Variants in FECH observed in about 807,000 individuals in gnomAD.
FECH encodes the protein ferrochelatase, also known as ferrochelatase, mitochondrial.
Under a neutral mutation model 56.9 loss-of-function variants are expected in FECH, and 40 were observed. That is an observed-to-expected ratio of 0.70 (90% confidence interval 0.55 to 0.92). The LOEUF (loss-of-function observed/expected upper bound fraction) is 0.92. Among genes scored for constraint, FECH ranks in the 40% least tolerant of loss-of-function variants. The pLI is 0.00. For missense variants in FECH, 431 were observed against 529.1 expected, an observed-to-expected ratio of 0.81 and a Z score of 1.82; for synonymous variants, 175 against 198.6, an observed-to-expected ratio of 0.88 and a Z score of 1.00.
intron 4 of FECH, among the ~76,000 whole-genome samples, chr18:57,569,142 C>T (rs2051059491): frequency 6.6e-6 from 1 of 152,244 alleles, no homozygotes; most frequent in Non-Finnish European, 1.5e-5. Flanking sequence ...AAAGCAGTTA[C>T]AAGCTAAACA....
chr18:57,553,571 G>A (rs1386436218), intron 9 of FECH, among the ~76,000 whole-genome samples: 1 of 152,176 alleles, frequency 6.6e-6, no homozygotes, highest in Non-Finnish European at 1.5e-5. Context: ...TATTGGAATA[G>A]GTTTTAGGCT....
Position 57,564,834 on chromosome 18 carries a change from A to G in FECH, c.598+1613T>C, listed in dbSNP as rs369119564. On this transcript the variant is annotated intron_variant, in intron 5 of 10. Transcript: ENST00000262093. ...TAGCTCTTTCAGGTTGTGTGGAAACATTCAACAAACAACCCAAAGAAGTCA... is the reference window on the plus strand; with the variant it reads ...TAGCTCTTTCAGGTTGTGTGGAAACGTTCAACAAACAACCCAAAGAAGTCA... Among the ~76,000 whole-genome samples, 48 of 152,388 alleles carry G rather than the reference A, an allele frequency of 3.1e-4. No individual in the cohort carries two copies. In the East Asian group the frequency reaches 8.1e-3, roughly 26 times the overall value.
chr18:57,562,910 A>T lies in FECH; in HGVS notation c.669T>A (p.Thr223=), dbSNP rs766209097. Residue 223 remains threonine, a synonymous_variant, in exon 6 of 11, where the codon ACT becomes ACA. Coordinates refer to ENST00000262093, the MANE Select transcript of FECH (RefSeq NM_000140.5). ...VGRKPTMKWS[T]IDRWPTHHLL... ...GGTGATGTGTGGGCCACCTGTCAAT[A>T]GTGCTCCACTTCATCGTGGGCTTCC... 6.2e-7 allele frequency: 1 copy of T among 1,614,118 alleles called. No homozygotes were observed. The highest frequency in any genetic ancestry group is 2.2e-5 in the East Asian group (1 of 44,888).
Position 57,550,723 on chromosome 18 carries a change from G to A in FECH, c.1261C>T (p.Gln421Ter), listed in dbSNP as rs1241645218. ...CRETKSFFTS[Q>*]QL is the part of the protein sequence containing the mutation. The stretch of plus-strand genomic sequence containing the variant: ...TCCACCGGCGGGGGTCACAGCTGCT[G>A]GCTGGTGAAGAAGGATTTAGTCTCC... Residue 421 changes from glutamine to a stop codon, truncating the protein, a stop_gained, in exon 11 of 11, where the codon CAG becomes TAG. Transcript: ENST00000262093. LOFTEE classifies it high-confidence loss of function. The A allele has an allele frequency of 6.2e-7, 1 of 1,614,036 alleles. No homozygotes were observed. Among genetic ancestry groups the A allele is most frequent in the South Asian group, 1.1e-5 (1 of 91,072 alleles).
chr18:57,551,518 A>G (rs2050798207), intron 9 of FECH, 144 bp from the exon 10 acceptor site: 1 of 690,264 alleles, frequency 1.4e-6, no homozygotes, highest in Non-Finnish European at 2.6e-6. Context: ...CAGACTGCTC[A>G]TTAATGAAAA....
rs1396492661 is a variant in FECH at position 57,546,938 on chromosome 18, C to T, written c.*3774G>A. Among the ~76,000 whole-genome samples, 4 of 143,194 alleles carry T rather than the reference C, an allele frequency of 2.8e-5. No individual in the cohort carries two copies. The highest frequency in any genetic ancestry group is 5.2e-5 in the African/African-American group (2 of 38,288). The allele number at this position is 143,194 out of a possible 152,430, so 93.9% of individuals were successfully genotyped here. On this transcript the variant is annotated 3_prime_UTR_variant, in exon 11 of 11. Coordinates refer to ENST00000262093, the MANE Select transcript of FECH (RefSeq NM_000140.5). ...TCGTGCCACTGTACTCCAGCTTGGG[C>T]AACAGAGCGAGACTCCATCTCAAAA...
intron 1 of FECH, among the ~76,000 whole-genome samples, chr18:57,581,233 T>G (rs1163906615): frequency 2.0e-5 from 3 of 152,230 alleles, no homozygotes; most frequent in African/African-American, 7.2e-5. Flanking sequence ...TAGCTTGCTA[T>G]ATCCCACATA....
In FECH at chr18:57,554,296, C is replaced by T. The variant is rs1210154531; in HGVS notation, c.1041G>A (p.Glu347=). 1.9e-6 allele frequency: 3 copies of T among 1,614,120 alleles called. No individual in the cohort carries two copies. In the African/African-American group the frequency reaches 4.0e-5, roughly 22 times the overall value. ...AAACTTGAGAGTACTCGATGTCCAG[C>T]TCATACAGCGTTTCAATATGGTCAC... ...FTSDHIETLY[E]LDIEYSQVLA... Residue 347 remains glutamate (E), a synonymous_variant, in exon 9 of 11, where the codon GAG becomes GAA. Transcript: ENST00000262093.
rs967677217 is a variant in FECH, at chr18:57,547,180, G to C, written c.*3532C>G. On this transcript the variant is annotated 3_prime_UTR_variant, in exon 11 of 11. Transcript: ENST00000262093. ...GGCAGAAGGGACTTGCCTTGTCTTGGATGAGACTTTGAACTTGGACTTTTG... is the reference window on the plus strand; with the variant it reads ...GGCAGAAGGGACTTGCCTTGTCTTGCATGAGACTTTGAACTTGGACTTTTG... 6.6e-6 allele frequency among the ~76,000 whole-genome samples: 1 copy of C among 152,046 alleles called. No individual in the cohort carries two copies. Among genetic ancestry groups the C allele is most frequent in the Non-Finnish European group, 1.5e-5 (1 of 68,006 alleles).
At chr18:57,573,554 A>G (rs1258335905) in intron 2 of FECH, among the ~76,000 whole-genome samples, 189 bp from the exon 3 acceptor site, 1 of 152,174 alleles carries the variant, frequency 6.6e-6, no homozygotes, top group African/African-American at 2.4e-5. Context: ...GTCCCAGCTC[A>G]GACTTGGACC....
Position 57,580,179 on chromosome 18 carries a change from C to A in FECH, c.88G>T (p.Val30Phe). The A allele has an allele frequency of 1.9e-6, 3 of 1,614,194 alleles. No individual in the cohort carries two copies. Among genetic ancestry groups the A allele is most frequent in the Non-Finnish European group, 1.7e-6 (2 of 1,180,030 alleles). ...GACTTCCACCTCCATGGCTGACAGA[C>A]CCTCCAGCTGCTGGATGCCACTGTG... ...RDPLASSSWR[V>F]CQPWRWKSGA... The change falls in exon 2 of 11, where the codon GTC becomes TTC. Residue 30 changes from valine to phenylalanine, a missense_variant. By Grantham distance (50) the Val-to-Phe change is conservative. Coordinates refer to ENST00000262093, the MANE Select transcript of FECH (RefSeq NM_000140.5).
rs368654879 is a variant in FECH, at chr18:57,550,694, G to A, written c.*18C>T. ...AGGTTGGGCATTTGCCTAACGCCACGGGGTCCACCGGCGGGGGTCACAGCT... is the reference window on the plus strand; with the variant it reads ...AGGTTGGGCATTTGCCTAACGCCACAGGGTCCACCGGCGGGGGTCACAGCT... On this transcript the variant is annotated 3_prime_UTR_variant, in exon 11 of 11. Coordinates refer to ENST00000262093, the MANE Select transcript of FECH (RefSeq NM_000140.5). 102 of 1,613,828 alleles carry A rather than the reference G, an allele frequency of 6.3e-5. No individual in the cohort carries two copies. Among genetic ancestry groups the A allele is most frequent in the African/African-American group, 3.3e-4 (25 of 74,900 alleles).
intron 9 of FECH, among the ~76,000 whole-genome samples, chr18:57,552,883 G>A (rs898114862): frequency 1.3e-5 from 2 of 152,180 alleles, no homozygotes; most frequent in Admixed American, 6.5e-5. Flanking sequence ...TGATGGGAGA[G>A]TCAGCGATAC....
At chr18:57,575,640 G>A (rs1243791512) in intron 2 of FECH, among the ~76,000 whole-genome samples, 4 of 152,054 alleles carry the variant, frequency 2.6e-5, no homozygotes, top group Non-Finnish European at 4.4e-5. Flanking sequence ...ACAGAGTCTC[G>A]CCATGTGGCC....
intron 1 of FECH, 131 bp downstream of exon 1, chr18:57,586,423 G>A (rs2051375036): frequency 5.0e-6 from 5 of 1,004,216 alleles, no homozygotes; most frequent in Non-Finnish European, 7.0e-6. Context: ...CCCCTCGCCC[G>A]GTTGCTCGCA....
chr18:57,562,042 A>G (rs573198500), intron 6 of FECH, among the ~76,000 whole-genome samples: 8 of 152,326 alleles, frequency 5.3e-5, no homozygotes, highest in Admixed American at 5.2e-4. Context: ...GTGGTCACAG[A>G]TTTAAATGAC....
rs1399941388 is a variant in FECH, at chr18:57,546,185, G to A, written c.*4527C>T. 6.6e-6 allele frequency among the ~76,000 whole-genome samples: 1 copy of A among 152,198 alleles called. No individual in the cohort carries two copies. Among genetic ancestry groups the A allele is most frequent in the Non-Finnish European group, 1.5e-5 (1 of 68,044 alleles). ...CCACCTTCAGGATTCTGGCAGAAGG[G>A]GTTTCAGGTGAGGTGAGAAGGTTAA... On this transcript the variant is annotated 3_prime_UTR_variant, in exon 11 of 11. Coordinates refer to ENST00000262093, the MANE Select transcript of FECH (RefSeq NM_000140.5).
intron 4 of FECH, among the ~76,000 whole-genome samples, chr18:57,569,168 G>C (rs1458913152): frequency 6.6e-6 from 1 of 152,206 alleles, no homozygotes; most frequent in Non-Finnish European, 1.5e-5. Flanking sequence ...ACTATAATTT[G>C]CAAAGCATAT....
intron 4 of FECH, among the ~76,000 whole-genome samples, chr18:57,567,201 G>A (rs924370694): frequency 9.9e-5 from 15 of 152,136 alleles, no homozygotes; most frequent in African/African-American, 3.4e-4. Flanking sequence ...TCTTGCATAC[G>A]TAAAAAAATT....
Sources: gnomAD v4.1 joint callset for allele counts (sites outside exome capture counted in the v4.1 genomes callset) on GRCh38, gnomAD v4.1.1 for gene constraint, MANE v1.5 for transcripts, NCBI Gene and HGNC (gene_info 2026-07-23, HGNC 2026-07-21) for gene names.